The following WDR7 variants were observed in gnomAD, a reference collection of about 807,000 sequenced individuals.
WDR7 encodes the protein WD repeat-containing protein 7.
WDR7 carries 46 observed loss-of-function variants against 169.4 expected under a neutral mutation model. That is an observed-to-expected ratio of 0.27 (90% CI 0.21 to 0.35). WDR7 has a LOEUF of 0.35. Among genes scored for constraint, WDR7 ranks in the 10% least tolerant of loss-of-function variants. The pLI is 1.00. For missense variants in WDR7, 1,534 were observed against 1,859.3 expected (o/e 0.83, Z 3.22); for synonymous variants, 612 against 666.8 (o/e 0.92, Z 1.27).
chr18:56,713,498 G>A lies in WDR7; in HGVS notation c.1579-4466G>A, dbSNP rs1191085426. Among the ~76,000 whole-genome samples the A allele has an allele frequency of 3.3e-5, 5 of 152,210 alleles. 1 individual carries two copies. In the East Asian group the frequency reaches 5.8e-4, roughly 18 times the overall value. On this transcript the variant is annotated intron_variant, in intron 12 of 27. Transcript: ENST00000254442. The stretch of plus-strand genomic sequence containing the variant: ...CATTTCAAAATTATTTAATGCATGT[G>A]TAATAGGAATAATTTGAGGCATAAA...
intron 20 of WDR7, among the ~76,000 whole-genome samples, chr18:56,863,145 T>C (rs1339855780): frequency 6.6e-6 from 1 of 151,830 alleles, no homozygotes; most frequent in East Asian, 1.9e-4. Flanking sequence ...TTTGTTTCTT[T>C]TTCATAACAT....
intron 25 of WDR7, among the ~76,000 whole-genome samples, chr18:56,945,233 G>A (rs146583030): frequency 6.6e-6 from 1 of 152,336 alleles, no homozygotes; most frequent in East Asian, 1.9e-4. Context: ...GTATTTGCCA[G>A]AGGTGAGCCA....
At chr18:56,793,081 A>C (rs1411884012) in intron 19 of WDR7, among the ~76,000 whole-genome samples, 1 of 152,180 alleles carries the variant, frequency 6.6e-6, no homozygotes, top group African/African-American at 2.4e-5. Flanking sequence ...ATGTGACTAA[A>C]ATAGTTGTCT....
intron 16 of WDR7, among the ~76,000 whole-genome samples, chr18:56,768,083 A>G (rs2044095032): frequency 6.6e-6 from 1 of 152,190 alleles, no homozygotes; most frequent in Admixed American, 6.5e-5. Flanking sequence ...AAACATTCTC[A>G]TATAATTTGT....
intron 16 of WDR7, among the ~76,000 whole-genome samples, chr18:56,765,547 T>C (rs1373183946): frequency 6.6e-6 from 1 of 152,114 alleles, no homozygotes; most frequent in Non-Finnish European, 1.5e-5. Flanking sequence ...TCCTGGTCTT[T>C]ATGCTACTGT....
chr18:56,793,757 A>G (rs1175347493), intron 19 of WDR7, among the ~76,000 whole-genome samples: 1 of 152,228 alleles, frequency 6.6e-6, no homozygotes, highest in Non-Finnish European at 1.5e-5. Flanking sequence ...GAATAGGATA[A>G]CAGAGACATA....
intron 14 of WDR7, among the ~76,000 whole-genome samples, chr18:56,740,900 T>C (rs1049139094): frequency 1.3e-5 from 2 of 152,172 alleles, no homozygotes; most frequent in African/African-American, 4.8e-5. Context: ...GTCCCTTGAA[T>C]ATTCAATTTT....
chr18:56,966,342 CT>C (rs1234670535), intron 26 of WDR7, among the ~76,000 whole-genome samples: 4 of 152,080 alleles, frequency 2.6e-5, no homozygotes, highest in African/African-American at 7.2e-5. Flanking sequence ...TCTGCCACCC[CT>C]GAGACAGCAA....
chr18:56,981,096 C>T lies in WDR7; in HGVS notation c.4164+18567C>T, dbSNP rs924589415. Among the ~76,000 whole-genome samples the T allele has an allele frequency of 3.9e-5, 6 of 151,956 alleles. 1 individual carries two copies. Among genetic ancestry groups the T allele is most frequent in the South Asian group, 4.2e-4 (2 of 4,818 alleles). The stretch of plus-strand genomic sequence containing the variant: ...GGTTAGAGATGAGAGTAGCCTTGAC[C>T]GTTATGAAGACAGTGAAAATTGGGA... On this transcript the variant is annotated intron_variant, in intron 26 of 27. Transcript: ENST00000254442.
At chr18:56,659,799 T>A (rs1042722521) in intron 1 of WDR7, among the ~76,000 whole-genome samples, 1 of 152,008 alleles carries the variant, frequency 6.6e-6, no homozygotes, top group Non-Finnish European at 1.5e-5. Flanking sequence ...AGAGTTGGCT[T>A]TTGCTATGTG....
At chr18:56,783,191 T>C (rs779704771) in intron 19 of WDR7, among the ~76,000 whole-genome samples, 1 of 150,194 alleles carries the variant, frequency 6.7e-6, no homozygotes, top group East Asian at 1.9e-4. Context: ...TCTAGACATA[T>C]AGACTCTAAG....
At chr18:56,980,303 C>T (rs1326925832) in intron 26 of WDR7, among the ~76,000 whole-genome samples, 1 of 152,188 alleles carries the variant, frequency 6.6e-6, no homozygotes, top group East Asian at 1.9e-4. Flanking sequence ...GATCCCCATC[C>T]ACAAGCTGTG....
At chr18:56,652,351 C>T (rs1434651130) in intron 1 of WDR7, among the ~76,000 whole-genome samples, 1 of 152,012 alleles carries the variant, frequency 6.6e-6, no homozygotes, top group Non-Finnish European at 1.5e-5. Flanking sequence ...TAATATTTGC[C>T]ATGAGACAAA....
intron 16 of WDR7, among the ~76,000 whole-genome samples, chr18:56,772,559 A>C (rs1370499177): frequency 6.6e-6 from 1 of 152,148 alleles, no homozygotes; most frequent in Non-Finnish European, 1.5e-5. Context: ...TTCTGAAAAA[A>C]TCCCCAGCAA....
chr18:56,734,685 T>A (rs2026659981), intron 14 of WDR7, among the ~76,000 whole-genome samples: 1 of 152,120 alleles, frequency 6.6e-6, no homozygotes, highest in South Asian at 2.1e-4. Context: ...GAGTTAGTTC[T>A]TACATTCTTT....
intron 19 of WDR7, among the ~76,000 whole-genome samples, chr18:56,802,719 A>G (rs1030611043): frequency 6.6e-6 from 1 of 152,074 alleles, no homozygotes; most frequent in Non-Finnish European, 1.5e-5. Context: ...AAACCCTTAA[A>G]TAAATATATA....
At chr18:56,879,272 A>G (rs2145477301) in intron 20 of WDR7, among the ~76,000 whole-genome samples, 1 of 152,306 alleles carries the variant, frequency 6.6e-6, no homozygotes, top group Non-Finnish European at 1.5e-5. Flanking sequence ...ATTTCTGTGC[A>G]TCCTCAACAG....
At chr18:57,000,170 T>C (rs2047955544) in intron 26 of WDR7, among the ~76,000 whole-genome samples, 1 of 152,194 alleles carries the variant, frequency 6.6e-6, no homozygotes, top group Non-Finnish European at 1.5e-5. Context: ...GTATAATCCT[T>C]CCCTTTATGA....
At chr18:56,839,967 C>T (rs551545569) in intron 20 of WDR7, among the ~76,000 whole-genome samples, 190 of 152,268 alleles carry the variant, frequency 1.2e-3, no homozygotes, top group Non-Finnish European at 2.5e-3. Context: ...GAGGCTGAGG[C>T]AGGAGAATCT....
Sources: allele counts gnomAD v4.1 joint callset (sites outside exome capture counted in the v4.1 genomes callset), GRCh38; gene constraint gnomAD v4.1.1; transcripts MANE v1.5; gene names NCBI Gene and HGNC (gene_info 2026-07-23, HGNC 2026-07-21).